Variants in LUZP2 observed in about 807,000 individuals in gnomAD.
The protein encoded by LUZP2 is leucine zipper protein 2.
In LUZP2, 52 loss-of-function variants were observed where a neutral mutation model predicts 51.6. That is an observed-to-expected ratio of 1.01 (90% CI 0.81 to 1.27). LUZP2 has a LOEUF of 1.27. Among genes scored for constraint, LUZP2 ranks in the 50% most tolerant of loss-of-function variants. The probability of loss-of-function intolerance (pLI) is 0.00; values close to 1 mark genes in which losing one functional copy is unlikely to be tolerated. For synonymous variants in LUZP2, 154 were observed against 137.3 expected (o/e 1.12, Z -0.85); for missense variants, 436 against 395.4 (o/e 1.10, Z -0.87).
intron 5 of LUZP2, among the ~76,000 whole-genome samples, chr11:24,861,972 CAG>C (rs1488899756): frequency 2.6e-5 from 4 of 152,154 alleles, no homozygotes; most frequent in Admixed American, 2.0e-4. Context: ...GCCTCAGGGT[CAG>C]AGAACAGTTG....
chr11:25,075,777 A>T (rs1020442673), intron 10 of LUZP2, among the ~76,000 whole-genome samples: 3 of 152,146 alleles, frequency 2.0e-5, no homozygotes. Context: ...GTGTTCATTT[A>T]AGAGCAATAT....
At chr11:24,855,991 C>G (rs1249599497) in intron 5 of LUZP2, among the ~76,000 whole-genome samples, 1 of 152,054 alleles carries the variant, frequency 6.6e-6, no homozygotes, top group Non-Finnish European at 1.5e-5. Context: ...AAACCTGTAA[C>G]TATTAAAATC....
At chr11:24,945,371 T>C (rs977991714) in intron 7 of LUZP2, among the ~76,000 whole-genome samples, 3 of 152,164 alleles carry the variant, frequency 2.0e-5, no homozygotes, top group African/African-American at 7.2e-5. Context: ...CTAAATATTT[T>C]CTACATTCTT....
intron 1 of LUZP2, among the ~76,000 whole-genome samples, chr11:24,655,771 T>A (rs1422134022): frequency 6.6e-6 from 1 of 152,186 alleles, no homozygotes; most frequent in Non-Finnish European, 1.5e-5. Flanking sequence ...GATATTTTCA[T>A]CCTGTGACTT....
intron 1 of LUZP2, among the ~76,000 whole-genome samples, chr11:24,610,209 A>T (rs900995978): frequency 2.0e-5 from 3 of 152,234 alleles, no homozygotes; most frequent in Admixed American, 1.3e-4. Context: ...TGCTAAATGA[A>T]TAGAGACACA....
chr11:24,976,705 GCAAAAAA>G (rs780635210), intron 8 of LUZP2, 40 bp downstream of exon 8: 9 of 223,086 alleles, frequency 4.0e-5, no homozygotes, highest in South Asian at 3.1e-4. Context: ...TGTAGTTTTA[GCAAAAAA>G]AAAAAAAAAA....
chr11:24,691,277 A>C (rs1565079410), intron 1 of LUZP2, among the ~76,000 whole-genome samples: 1 of 152,056 alleles, frequency 6.6e-6, no homozygotes, highest in Non-Finnish European at 1.5e-5. Context: ...ATTACCTCAC[A>C]AAATTAGTGT....
chr11:24,528,270 TA>T (rs200207519), intron 1 of LUZP2, among the ~76,000 whole-genome samples: 48 of 148,422 alleles, frequency 3.2e-4, no homozygotes, highest in Middle Eastern at 3.4e-3. Context: ...AGCACTGGTT[TA>T]AAAAAAAAAG....
intron 5 of LUZP2, among the ~76,000 whole-genome samples, chr11:24,778,617 T>C (rs1849006989): frequency 6.6e-6 from 1 of 151,752 alleles, no homozygotes; most frequent in Non-Finnish European, 1.5e-5. Context: ...TAAAAGCATG[T>C]AAGAAACAAA....
chr11:24,926,441 GTA>G (rs1448831674), intron 7 of LUZP2, among the ~76,000 whole-genome samples: 34 of 139,836 alleles, frequency 2.4e-4, no homozygotes, highest in African/African-American at 8.4e-4. Context: ...ATATATACGT[GTA>G]TATATGTGTG....
chr11:24,767,010 C>G (rs1258350565), intron 5 of LUZP2, among the ~76,000 whole-genome samples: 1 of 152,084 alleles, frequency 6.6e-6, no homozygotes, highest in East Asian at 1.9e-4. Flanking sequence ...GTGATCCACC[C>G]ACACCCACAT....
chr11:24,818,788 C>T (rs1850266843), intron 5 of LUZP2, among the ~76,000 whole-genome samples: 1 of 151,968 alleles, frequency 6.6e-6, no homozygotes, highest in Non-Finnish European at 1.5e-5. Context: ...TGGCTTGATC[C>T]TCTGCAATAT....
intron 5 of LUZP2, among the ~76,000 whole-genome samples, chr11:24,858,075 C>T (rs1261366863): frequency 6.6e-6 from 1 of 152,030 alleles, no homozygotes; most frequent in African/African-American, 2.4e-5. Context: ...TCTTTGGCAT[C>T]GAATGACTAG....
chr11:24,814,970 C>T (rs1365267439), intron 5 of LUZP2, among the ~76,000 whole-genome samples: 2 of 136,452 alleles, frequency 1.5e-5, no homozygotes, highest in African/African-American at 5.6e-5. Context: ...CCAGCTTGGG[C>T]GACAGAGTGA....
chr11:24,970,166 A>AAGC (rs1370629283), intron 7 of LUZP2, among the ~76,000 whole-genome samples: 1 of 152,106 alleles, frequency 6.6e-6, no homozygotes, highest in East Asian at 1.9e-4. Flanking sequence ...TACTTTTTAC[A>AAGC]AGCAGCTACT....
chr11:24,944,720 T>A (rs1441043183), intron 7 of LUZP2, among the ~76,000 whole-genome samples: 1 of 152,068 alleles, frequency 6.6e-6, no homozygotes, highest in Non-Finnish European at 1.5e-5. Flanking sequence ...GTCAAACAAC[T>A]CAAGGCATGA....
chr11:24,957,413 T>A (rs1855241390), intron 7 of LUZP2, among the ~76,000 whole-genome samples: 1 of 152,056 alleles, frequency 6.6e-6, no homozygotes, highest in Non-Finnish European at 1.5e-5. Flanking sequence ...TATCATAATA[T>A]TTACTATATT....
At chr11:24,935,298 A>G (rs1215810128) in intron 7 of LUZP2, among the ~76,000 whole-genome samples, 4 of 152,174 alleles carry the variant, frequency 2.6e-5, no homozygotes, top group Non-Finnish European at 5.9e-5. Flanking sequence ...TTGAACAGTG[A>G]TGCAATCATG....
At chr11:24,677,792 G>A (rs1208997540) in intron 1 of LUZP2, among the ~76,000 whole-genome samples, 1 of 152,138 alleles carries the variant, frequency 6.6e-6, no homozygotes, top group Non-Finnish European at 1.5e-5. Flanking sequence ...GCTCGCACCT[G>A]TAATCCCAGC....
Sources: allele counts gnomAD v4.1 joint callset (sites outside exome capture counted in the v4.1 genomes callset), GRCh38; gene constraint gnomAD v4.1.1; transcripts MANE v1.5; gene names NCBI Gene and HGNC (gene_info 2026-07-23, HGNC 2026-07-21).